UROC1: variants seen among roughly 807,000 people sequenced by gnomAD.
UROC1 encodes the protein urocanate hydratase.
A neutral mutation model predicts 89.5 loss-of-function variants in UROC1; 79 were observed. That is an observed-to-expected ratio of 0.88 (90% CI 0.74 to 1.06). The LOEUF is 1.06. UROC1 is among the 50% of genes least tolerant of loss of function. UROC1 has a pLI of 0.00. For missense variants in UROC1, 885 were observed against 907.8 expected, an observed-to-expected ratio of 0.97 and a Z score of 0.32; for synonymous variants, 361 against 354.8, an observed-to-expected ratio of 1.02 and a Z score of -0.20.
intron 14 of UROC1, 65 bp from the exon 15 acceptor site, chr3:126,496,173 C>G: frequency 6.6e-7 from 1 of 1,520,358 alleles, no homozygotes; most frequent in Non-Finnish European, 9.0e-7. Context: ...CTCAGGCAGG[C>G]TGCTCAGCTC....
At chr3:126,495,952 G>T in intron 15 of UROC1, 86 bp downstream of exon 15, 1 of 1,343,622 alleles carries the variant, frequency 7.4e-7, no homozygotes, top group Non-Finnish European at 1.0e-6. Flanking sequence ...TGTGGACCAG[G>T]CTGAGCGCCC....
chr3:126,485,799 A>G (rs760245908), intron 18 of UROC1, among the ~76,000 whole-genome samples: 1 of 151,952 alleles, frequency 6.6e-6, no homozygotes, highest in Non-Finnish European at 1.5e-5. Context: ...TTCTGTGCAC[A>G]TTCAAGTTTC....
rs760021919 is a variant in UROC1, at chr3:126,489,348, G to T, written c.1636C>A (p.His546Asn). 6.2e-7 allele frequency: 1 copy of T among 1,613,068 alleles called. No individual in the cohort carries two copies. Among genetic ancestry groups the T allele is most frequent in the Admixed American group, 1.7e-5 (1 of 60,014 alleles). The change falls in exon 17 of 20, where the codon CAT (histidine) becomes AAT (asparagine). Residue 546 changes from histidine to asparagine, a missense_variant. By Grantham distance (68) the His-to-Asn change is moderately conservative. Coordinates refer to ENST00000290868, the MANE Select transcript of UROC1 (RefSeq NM_144639.3). The part of the protein sequence containing the change: ...KAPVVLSRDH[H>N]DVSGTDSPFR... ...GGGCTGTCGGTGCCGCTCACGTCATGGTGATCTCGGCTCAGGACCACCGGC... is the reference window on the plus strand; with the variant it reads ...GGGCTGTCGGTGCCGCTCACGTCATTGTGATCTCGGCTCAGGACCACCGGC...
chr3:126,507,312 T>C (rs1170747679), intron 6 of UROC1, among the ~76,000 whole-genome samples: 1 of 151,162 alleles, frequency 6.6e-6, no homozygotes, highest in African/African-American at 2.4e-5. Flanking sequence ...TAAACAAACG[T>C]TGAATTCCCG....
At chr3:126,484,206 A>G (rs183915213) in intron 18 of UROC1, among the ~76,000 whole-genome samples, 100 of 152,172 alleles carry the variant, frequency 6.6e-4, no homozygotes, top group Non-Finnish European at 1.3e-3. Context: ...TTTGTTTCCT[A>G]GTAGATGAGT....
intron 3 of UROC1, 24 bp downstream of exon 3, chr3:126,509,561 G>A (rs772293514): frequency 2.6e-6 from 4 of 1,541,102 alleles, no homozygotes; most frequent in South Asian, 2.4e-5. Context: ...GACAGTGCTG[G>A]GCCTCGGTTT....
intron 16 of UROC1, among the ~76,000 whole-genome samples, chr3:126,489,992 C>G (rs189264177): frequency 6.6e-6 from 1 of 152,102 alleles, no homozygotes; most frequent in African/African-American, 2.4e-5. Flanking sequence ...GCAATAGAGA[C>G]GTGGCTGGCT....
At chr3:126,517,087 C>A (rs187937639) in intron 1 of UROC1, among the ~76,000 whole-genome samples, 1 of 152,254 alleles carries the variant, frequency 6.6e-6, no homozygotes, top group Non-Finnish European at 1.5e-5. Flanking sequence ...GTGCACCATC[C>A]CTGGACTGCT....
Position 126,504,087 on chromosome 3 carries a change from G to A in UROC1, c.814-4C>T. ...TCTCAAGGGCTGCTTTATCCACCTGGGGCCATGAGACATGGGGCCACGAGA... is the reference window on the plus strand; with the variant it reads ...TCTCAAGGGCTGCTTTATCCACCTGAGGCCATGAGACATGGGGCCACGAGA... On this transcript the variant is annotated splice_region_variant and splice_polypyrimidine_tract_variant and intron_variant, in intron 8 of 19. Coordinates refer to ENST00000290868, the MANE Select transcript of UROC1 (RefSeq NM_144639.3). The A allele has an allele frequency of 2.5e-6, 4 of 1,613,942 alleles. No individual in the cohort carries two copies. The highest frequency in any genetic ancestry group is 3.4e-6 in the Non-Finnish European group (4 of 1,179,986).
Position 126,482,088 on chromosome 3 carries a change from TA to T in UROC1, c.*256del. The stretch of plus-strand genomic sequence containing the variant: ...CCCGGGCAGGCTTGGGACTTGGCCC[TA>T]AATGGACTTTGACAGCCTTCAGGGC... On this transcript the variant is annotated 3_prime_UTR_variant, in exon 20 of 20. Coordinates refer to ENST00000290868, the MANE Select transcript of UROC1 (RefSeq NM_144639.3). 1 of 562,348 alleles carries T rather than the reference TA, an allele frequency of 1.8e-6. No homozygotes were observed. The highest frequency in any genetic ancestry group is 3.2e-6 in the Non-Finnish European group (1 of 316,880). 34.8% of individuals were successfully genotyped at this position (562,348 alleles called of 1,614,324 possible). A position where few individuals can be genotyped will look rare whatever the true frequency, so the allele number is the denominator to read the frequency against.
At chr3:126,508,386 G>T (rs764411219) in intron 4 of UROC1, 30 bp downstream of exon 4, 4 of 1,610,032 alleles carry the variant, frequency 2.5e-6, no homozygotes, top group Non-Finnish European at 3.4e-6. Flanking sequence ...AAGGCCAGGG[G>T]TGGGGACGAG....
In UROC1 at chr3:126,517,641, G is replaced by A. The variant is rs146471695; in HGVS notation, c.79C>T (p.Pro27Ser). The change falls in exon 1 of 20, where the codon CCC (proline) becomes TCC (serine). Residue 27 changes from proline to serine, a missense_variant. Coordinates refer to ENST00000290868, the MANE Select transcript of UROC1 (RefSeq NM_144639.3). ...CTGGGGGTCCTGACAGGGGCATGGG[G>A]CACCCCAGCCTGGCGTCCCCGGTTC... The part of the protein sequence containing the change: ...PENRGRQAGV[P>S]HAPVRTPSLS... The A allele has an allele frequency of 9.4e-5, 151 of 1,611,320 alleles. No homozygotes were observed. Among genetic ancestry groups the A allele is most frequent in the Non-Finnish European group, 1.8e-5 (21 of 1,179,440 alleles).
chr3:126,486,277 A>T (rs1935513891), intron 18 of UROC1, among the ~76,000 whole-genome samples: 2 of 152,234 alleles, frequency 1.3e-5, no homozygotes, highest in South Asian at 4.1e-4. Flanking sequence ...CCGCAGCACC[A>T]ACAGGGAGGC....
At chr3:126,497,752 C>A (rs1935814137) in intron 14 of UROC1, among the ~76,000 whole-genome samples, 1 of 152,192 alleles carries the variant, frequency 6.6e-6, no homozygotes, top group Non-Finnish European at 1.5e-5. Flanking sequence ...TCACTCGCAG[C>A]CAGAGGTCCT....
At chr3:126,501,951 G>T in intron 9 of UROC1, 3 of 1,588,178 alleles carry the variant, frequency 1.9e-6, no homozygotes, top group Non-Finnish European at 1.7e-6. Flanking sequence ...GAAGGACCCT[G>T]TGGGAACCGT....
At chr3:126,490,055 A>G (rs909664417) in intron 16 of UROC1, among the ~76,000 whole-genome samples, 1 of 152,148 alleles carries the variant, frequency 6.6e-6, no homozygotes, top group African/African-American at 2.4e-5. Context: ...GGCAGTACCT[A>G]CCATGAGACC....
chr3:126,510,918 C>T lies in UROC1; in HGVS notation c.127-124G>A, dbSNP rs987854897. 10 of 1,409,036 alleles carry T rather than the reference C, an allele frequency of 7.1e-6. No individual in the cohort carries two copies. In the African/African-American group the frequency reaches 1.4e-4, roughly 20 times the overall value. The allele number at this position is 1,409,036 out of a possible 1,614,324, so 87.3% of individuals were successfully genotyped here. A position where few individuals can be genotyped will look rare whatever the true frequency, so the allele number is the denominator to read the frequency against. On this transcript the variant is annotated intron_variant, in intron 1 of 19. Transcript: ENST00000290868. Reference sequence around the variant, plus strand: ...CTGCTCCACTCAGAAGCCTGTTGCCCACCCAGAGACTGTTCTCACCCCAGG... The same window carrying T: ...CTGCTCCACTCAGAAGCCTGTTGCCTACCCAGAGACTGTTCTCACCCCAGG...
In UROC1 at chr3:126,489,260, T is replaced by C. The variant is rs1299130490; in HGVS notation, c.1708+16A>G. ...AAATCTAAGATGAAAGTTTAAGACA[T>C]TCTCATCTTCCTCACCTGCACAGAA... On this transcript the variant is annotated intron_variant, in intron 17 of 19. Transcript: ENST00000290868. The C allele has an allele frequency of 4.4e-6, 7 of 1,593,614 alleles. No homozygotes were observed. The South Asian group carries it at 6.6e-5, about 15-fold the overall frequency.
Position 126,509,583 on chromosome 3 carries a change from A to T in UROC1, c.351+2T>A. The T allele has an allele frequency of 6.4e-7, 1 of 1,551,668 alleles. No homozygotes were observed. The highest frequency in any genetic ancestry group is 1.2e-5 in the South Asian group (1 of 84,068). On this transcript the variant is annotated splice_donor_variant, in intron 3 of 19. Transcript: ENST00000290868. LOFTEE classifies it high-confidence loss of function. ...CTGGGCCTCGGTTTCCCTGGCTATT[A>T]CCTGGGCCACGGCAGGATCCAGGTT...
Sources: allele counts gnomAD v4.1 joint callset (sites outside exome capture counted in the v4.1 genomes callset), GRCh38; gene constraint gnomAD v4.1.1; transcripts MANE v1.5; gene names NCBI Gene and HGNC (gene_info 2026-07-23, HGNC 2026-07-21).